ACSL3: variants seen among roughly 807,000 people sequenced by gnomAD.
ACSL3 encodes the protein fatty acid CoA ligase Acsl3.
In ACSL3, 34 loss-of-function variants were observed where a neutral mutation model predicts 84.7. The ratio of observed to expected loss-of-function variants is 0.40; its 90% CI spans 0.31 to 0.53. The LOEUF is 0.53. Among genes scored for constraint, ACSL3 ranks in the 20% least tolerant of loss-of-function variants. The probability of loss-of-function intolerance (pLI) is 0.48; values close to 1 mark genes in which losing one functional copy is unlikely to be tolerated. For synonymous variants in ACSL3, 315 were observed against 299.4 expected (o/e 1.05, Z -0.54); for missense variants, 680 against 873.1 (o/e 0.78, Z 2.79).
intron 1 of ACSL3, among the ~76,000 whole-genome samples, chr2:222,875,920 A>T (rs1481394371): frequency 1.3e-5 from 2 of 152,200 alleles, no homozygotes; most frequent in African/African-American, 4.8e-5. Flanking sequence ...TATACTAGGT[A>T]ATACTTTGTA....
At chr2:222,912,313 C>T (rs570532271) in intron 4 of ACSL3, among the ~76,000 whole-genome samples, 73 of 152,250 alleles carry the variant, frequency 4.8e-4, no homozygotes, top group African/African-American at 1.7e-3. Context: ...AGGCCTTTTT[C>T]GTTTTCCCCT....
chr2:222,892,709 G>A (rs1448425866), intron 2 of ACSL3, among the ~76,000 whole-genome samples: 1 of 152,162 alleles, frequency 6.6e-6, no homozygotes, highest in East Asian at 1.9e-4. Flanking sequence ...TTTATTAAGA[G>A]AGTATAGGGT....
In ACSL3 at chr2:222,909,161, C is replaced by G; in HGVS notation, c.378+11C>G. On this transcript the variant is annotated intron_variant, in intron 4 of 16. Transcript: ENST00000357430. ...AAAATTTTTAAAAAGGTAAGATGAT[C>G]TTTCATTGCCTTTGAATTCTTTCGA... 1 of 1,585,868 alleles carries G rather than the reference C, an allele frequency of 6.3e-7. No individual in the cohort carries two copies. Among genetic ancestry groups the G allele is most frequent in the Non-Finnish European group, 8.5e-7 (1 of 1,171,502 alleles).
chr2:222,921,192 GTTAT>G (rs927984695), intron 7 of ACSL3, 84 bp from the exon 8 acceptor site: 8 of 1,410,232 alleles, frequency 5.7e-6, no homozygotes, highest in African/African-American at 1.4e-5. Flanking sequence ...ATTTGATTGA[GTTAT>G]TTATTTGATG....
At position 222,921,368 on chromosome 2, in the gene ACSL3, G is replaced by C. The variant is rs768445654; in HGVS notation, c.894G>C (p.Met298Ile). The change falls in exon 8 of 17, where the codon ATG becomes ATC. Residue 298 changes from methionine (M) to isoleucine (I), a missense_variant. Physicochemically the swap from Met to Ile is conservative, Grantham distance 10. This residue lies in a region of ACSL3 where 347 missense variants were observed against 525.7 expected (regional missense o/e 0.66). Transcript: ENST00000357430. The stretch of plus-strand genomic sequence containing the variant: ...CCACAGGACTTCCAAAGGGAGTCAT[G>C]ATCTCACATAGTAACATTATTGCTG... ...SGSTGLPKGV[M>I]ISHSNIIAGI... 6.2e-7 allele frequency: 1 copy of C among 1,604,276 alleles called. No homozygotes were observed.
chr2:222,902,820 G>A (rs1438712924), intron 3 of ACSL3, among the ~76,000 whole-genome samples: 1 of 152,190 alleles, frequency 6.6e-6, no homozygotes, highest in African/African-American at 2.4e-5. Flanking sequence ...CCACCCTAGG[G>A]CATTATTCAG....
rs1461538337 is a variant in ACSL3, at chr2:222,943,531, G to A, written c.*1877G>A. 6.2e-6 allele frequency: 1 copy of A among 160,474 alleles called. No individual in the cohort carries two copies. The highest frequency in any genetic ancestry group is 1.4e-5 in the Non-Finnish European group (1 of 72,982). 9.9% of individuals were successfully genotyped at this position (160,474 alleles called of 1,614,324 possible). On this transcript the variant is annotated 3_prime_UTR_variant, in exon 17 of 17. Transcript: ENST00000357430. ...ATACTGATAATTGTGACTTGAAATA[G>A]TGTCAGATGAATTATGTAGCTGATC...
chr2:222,866,840 C>CT (rs768574686), intron 1 of ACSL3, among the ~76,000 whole-genome samples: 14,038 of 111,806 alleles, frequency 0.13, 928 homozygotes, highest in Middle Eastern at 0.19. Flanking sequence ...TTTTCTTTTT[C>CT]TTTTTTTTTT....
In ACSL3 at chr2:222,921,375, C is replaced by A. The variant is rs147493783; in HGVS notation, c.901C>A (p.His301Asn). ...ACTTCCAAAGGGAGTCATGATCTCA[C>A]ATAGTAACATTATTGCTGGTATAAC... ...TGLPKGVMIS[H>N]SNIIAGITGM... Residue 301 changes from histidine (H) to asparagine (N), a missense_variant, in exon 8 of 17, where the codon CAT (histidine) becomes AAT (asparagine). His to Asn is a moderately conservative substitution (Grantham distance 68, BLOSUM62 1). Transcript: ENST00000357430. 2.0e-5 allele frequency: 32 copies of A among 1,602,386 alleles called. No individual in the cohort carries two copies. The African/African-American group carries it at 3.5e-4, about 17-fold the overall frequency.
chr2:222,864,747 A>G lies in ACSL3; in HGVS notation c.-207+3489A>G, dbSNP rs868545567. On this transcript the variant is annotated intron_variant, in intron 1 of 16. Coordinates refer to ENST00000357430, the MANE Select transcript of ACSL3 (RefSeq NM_004457.5). Reference sequence around the variant, plus strand: ...GAGAGGGAGTGGTTGAATATAGACTAGAAAAGGGTTTGTGCAGAGTTCCTA... The same window carrying G: ...GAGAGGGAGTGGTTGAATATAGACTGGAAAAGGGTTTGTGCAGAGTTCCTA... Among the ~76,000 whole-genome samples the G allele has an allele frequency of 3.0e-4, 46 of 152,242 alleles. 1 individual carries two copies. Among genetic ancestry groups the G allele is most frequent in the Middle Eastern group, 6.8e-3 (2 of 294 alleles).
chr2:222,870,103 GTTT>G (rs60071249), intron 1 of ACSL3, among the ~76,000 whole-genome samples: 46 of 140,398 alleles, frequency 3.3e-4, no homozygotes, highest in African/African-American at 7.3e-4. Flanking sequence ...TGGACTTCTG[GTTT>G]TTTTTTTTTT....
chr2:222,909,968 G>T (rs923439197), intron 4 of ACSL3, among the ~76,000 whole-genome samples: 1 of 152,176 alleles, frequency 6.6e-6, no homozygotes, highest in Non-Finnish European at 1.5e-5. Flanking sequence ...GCTGGGACTG[G>T]AATCCAGGCC....
chr2:222,926,917 T>G (rs1696895712), intron 11 of ACSL3, 100 bp from the exon 12 acceptor site: 1 of 1,300,532 alleles, frequency 7.7e-7, no homozygotes, highest in Admixed American at 2.4e-5. Flanking sequence ...AGTAACTTAA[T>G]CTCAAAATCT....
Position 222,895,470 on chromosome 2 carries a change from C to CTTTTTTT in ACSL3, c.-147-5182_-147-5176dup, listed in dbSNP as rs1164470428. Among the ~76,000 whole-genome samples, 121 of 15,594 alleles carry CTTTTTTT rather than the reference C, an allele frequency of 7.8e-3. 1 individual carries two copies. Among genetic ancestry groups the CTTTTTTT allele is most frequent in the Non-Finnish European group, 9.5e-3 (103 of 10,828 alleles). The allele number at this position is 15,594 out of a possible 152,430, so 10.2% of individuals were successfully genotyped here. On this transcript the variant is annotated intron_variant, in intron 2 of 16. Transcript: ENST00000357430. The stretch of plus-strand genomic sequence containing the variant: ...CCTGGCCTGTTACCATTACTTTGTT[C>CTTTTTTT]TTTTTTTTTTTTTTTTTTTTTTTTT...
At chr2:222,929,260 T>C (rs1212493090) in intron 13 of ACSL3, among the ~76,000 whole-genome samples, 2 of 151,362 alleles carry the variant, frequency 1.3e-5, no homozygotes, top group African/African-American at 4.9e-5. Flanking sequence ...AGTAAAATTA[T>C]AAAATTTATT....
At chr2:222,889,675 ACAG>A (rs776469231) in intron 2 of ACSL3, among the ~76,000 whole-genome samples, 24 of 152,262 alleles carry the variant, frequency 1.6e-4, no homozygotes, top group Non-Finnish European at 2.9e-4. Flanking sequence ...GGAGACGGAG[ACAG>A]CAGCAAGTTT....
chr2:222,881,285 C>T (rs1031909984), intron 1 of ACSL3, among the ~76,000 whole-genome samples: 2 of 152,226 alleles, frequency 1.3e-5, no homozygotes, highest in Non-Finnish European at 2.9e-5. Flanking sequence ...GGACTAGCCA[C>T]GTTTCAGGTG....
chr2:222,910,425 T>C (rs1696413017), intron 4 of ACSL3, among the ~76,000 whole-genome samples: 1 of 152,212 alleles, frequency 6.6e-6, no homozygotes, highest in Admixed American at 6.5e-5. Flanking sequence ...AACTGGCTTT[T>C]TTTCCTGTCA....
chr2:222,902,759 G>T (rs1434889986), intron 3 of ACSL3, among the ~76,000 whole-genome samples: 3 of 152,230 alleles, frequency 2.0e-5, no homozygotes, highest in African/African-American at 7.2e-5. Context: ...CCACACAGGA[G>T]CTGAAGAGTG....
Sources: gnomAD v4.1 joint callset for allele counts (sites outside exome capture counted in the v4.1 genomes callset) on GRCh38, gnomAD v4.1.1 for gene constraint, gnomAD v4.1.1 regional missense constraint, MANE v1.5 for transcripts, NCBI Gene and HGNC (gene_info 2026-07-23, HGNC 2026-07-21) for gene names.